TRAPPC3: variants seen among roughly 807,000 people sequenced by gnomAD.
TRAPPC3 encodes trafficking protein particle complex 3.
TRAPPC3 carries 5 observed loss-of-function variants against 18.2 expected under a neutral mutation model. That is an observed-to-expected ratio of 0.28 (90% CI 0.14 to 0.58). The LOEUF (loss-of-function observed/expected upper bound fraction) is 0.58. Among genes scored for constraint, TRAPPC3 ranks in the 20% least tolerant of loss-of-function variants. The probability of loss-of-function intolerance (pLI) is 0.91; values close to 1 mark genes in which losing one functional copy is unlikely to be tolerated. For missense variants in TRAPPC3, 176 were observed against 225.9 expected (o/e 0.78, Z 1.41); for synonymous variants, 65 against 84.2 (o/e 0.77, Z 1.25).
intron 2 of TRAPPC3, 44 bp from the exon 3 acceptor site, chr1:36,139,863 T>C (rs1343641974): frequency 6.2e-7 from 1 of 1,609,168 alleles, no homozygotes; most frequent in East Asian, 2.2e-5. Flanking sequence ...AGTCTAAATG[T>C]CTTATGTTTG....
At chr1:36,142,951 G>A (rs1644138866) in intron 1 of TRAPPC3, among the ~76,000 whole-genome samples, 2 of 152,310 alleles carry the variant, frequency 1.3e-5, no homozygotes, top group South Asian at 4.1e-4. Flanking sequence ...AGGATGGCTT[G>A]AGCCTGGGAT....
chr1:36,144,110 A>C (rs1215854812), intron 1 of TRAPPC3, among the ~76,000 whole-genome samples: 1 of 151,906 alleles, frequency 6.6e-6, no homozygotes, highest in Non-Finnish European at 1.5e-5. Flanking sequence ...CAACATGGTG[A>C]AACCCCGTCT....
upstream of TRAPPC3, among the ~76,000 whole-genome samples, chr1:36,152,699 G>A (rs1332720932): frequency 6.6e-6 from 1 of 151,872 alleles, no homozygotes; most frequent in Non-Finnish European, 1.5e-5. Flanking sequence ...CGTCCAGGCT[G>A]GAGTGCAGTG....
chr1:36,137,554 T>C, intron 4 of TRAPPC3: 1 of 635,052 alleles, frequency 1.6e-6, no homozygotes, highest in Non-Finnish European at 2.7e-6. Flanking sequence ...AATAAGCCTA[T>C]CTGAGAATGG....
At chr1:36,140,325 C>T (rs1570087355) in intron 1 of TRAPPC3, 159 bp from the exon 2 acceptor site, 2 of 505,108 alleles carry the variant, frequency 4.0e-6, no homozygotes, top group Non-Finnish European at 6.8e-6. Flanking sequence ...ATTTGGCCTG[C>T]AAGGTCAAAG....
At chr1:36,140,356 C>G (rs1448765758) in intron 1 of TRAPPC3, 190 bp from the exon 2 acceptor site, 1 of 449,442 alleles carries the variant, frequency 2.2e-6, no homozygotes, top group Non-Finnish European at 3.9e-6. Context: ...GCAGCCAGAA[C>G]TACTGCAAAA....
At chr1:36,143,530 TTAAA>T (rs1644147722) in intron 1 of TRAPPC3, among the ~76,000 whole-genome samples, 1 of 152,100 alleles carries the variant, frequency 6.6e-6, no homozygotes, top group South Asian at 2.1e-4. Context: ...CTTGTGACTT[TTAAA>T]ACAAAAGTTC....
chr1:36,148,019 T>C (rs1644226377), intron 1 of TRAPPC3, among the ~76,000 whole-genome samples: 1 of 152,202 alleles, frequency 6.6e-6, no homozygotes, highest in Admixed American at 6.5e-5. Flanking sequence ...ACCATGCCCC[T>C]CACATTTTAC....
At chr1:36,142,437 T>C (rs966032820) in intron 1 of TRAPPC3, among the ~76,000 whole-genome samples, 2 of 152,188 alleles carry the variant, frequency 1.3e-5, no homozygotes, top group Admixed American at 1.3e-4. Context: ...AGCCCTTGGA[T>C]GGAGACTCCA....
At chr1:36,141,344 T>C (rs1315583269) in intron 1 of TRAPPC3, among the ~76,000 whole-genome samples, 2 of 151,878 alleles carry the variant, frequency 1.3e-5, no homozygotes, top group African/African-American at 4.8e-5. Flanking sequence ...GGCTGAAAAA[T>C]CAGGATAACC....
At chr1:36,137,467 T>C in intron 4 of TRAPPC3, 145 bp from the exon 5 acceptor site, 1 of 803,390 alleles carries the variant, frequency 1.2e-6, no homozygotes, top group South Asian at 1.8e-5. Context: ...AGCGCCAACA[T>C]TCTGTTGCAT....
intron 1 of TRAPPC3, chr1:36,140,911 C>T (rs1238437940): frequency 1.3e-5 from 2 of 152,232 alleles, no homozygotes; most frequent in African/African-American, 4.8e-5. Flanking sequence ...AATCCCAGCA[C>T]TTTGGGAGGG....
Position 36,137,942 on chromosome 1 carries a change from T to C in TRAPPC3, c.277A>G (p.Ile93Val), listed in dbSNP as rs1644050059. 3 of 1,613,992 alleles carry C rather than the reference T, an allele frequency of 1.9e-6. No homozygotes were observed. The highest frequency in any genetic ancestry group is 2.7e-5 in the African/African-American group (2 of 74,912). ...TCACCAGCTGGGCTCCAATTAGTAA[T>C]GCTTGGAGTGATGCCCAAGTACATC... is the stretch of plus-strand genomic sequence containing the variant. ...FKMYLGITPS[I>V]TNWSPAGDEF... The change falls in exon 4 of 5, where the codon ATT (isoleucine) becomes GTT (valine). Residue 93 changes from isoleucine (I) to valine (V), a missense_variant. By Grantham distance (29) the Ile-to-Val change is conservative. This residue lies in a region of TRAPPC3 where 147 missense variants were observed against 164.3 expected (regional missense o/e 0.89). Coordinates refer to ENST00000373166, the MANE Select transcript of TRAPPC3 (RefSeq NM_014408.5).
Position 36,155,339 on chromosome 1 carries a change from T to C in TRAPPC3, c.-97+544A>G, listed in dbSNP as rs564269346. 1.1e-4 allele frequency among the ~76,000 whole-genome samples: 17 copies of C among 152,170 alleles called. No homozygotes were observed. The South Asian group carries it at 2.9e-3, about 26-fold the overall frequency. ...CAACAAGGGGGCTGGGAGTCCATTC[T>C]GGAGGGCTGGGAAGCAGGGCTACTT... On this transcript the variant is annotated intron_variant, in intron 1 of 4. Transcript: ENST00000617904.
rs545281347 is a variant in TRAPPC3 at position 36,137,644 on chromosome 1, G to A, written c.423+152C>T. The stretch of plus-strand genomic sequence containing the variant: ...GGAGTATCACCATGTAAAGATGTCC[G>A]ACTTGGATCCTACCTCAGCAGCATC... On this transcript the variant is annotated intron_variant, in intron 4 of 4. Coordinates refer to ENST00000373166, the MANE Select transcript of TRAPPC3 (RefSeq NM_014408.5). The A allele has an allele frequency of 4.1e-5, 34 of 832,984 alleles. No homozygotes were observed. In the Admixed American group the frequency reaches 7.6e-4, roughly 19 times the overall value. 51.6% of individuals were successfully genotyped at this position (832,984 alleles called of 1,614,324 possible).
intron 1 of TRAPPC3, among the ~76,000 whole-genome samples, chr1:36,148,615 C>T (rs1008717904): frequency 6.6e-6 from 1 of 151,604 alleles, no homozygotes; most frequent in Non-Finnish European, 1.5e-5. Flanking sequence ...GAGGGAAGAA[C>T]GAAAGAAAAA....
At chr1:36,152,354 C>G (rs978611011), upstream of TRAPPC3, among the ~76,000 whole-genome samples, 1 of 148,814 alleles carries the variant, frequency 6.7e-6, no homozygotes. Context: ...GTCGCCCAGG[C>G]TGGAGTGCAG....
chr1:36,137,371 T>C, intron 4 of TRAPPC3, 49 bp from the exon 5 acceptor site: 1 of 1,587,422 alleles, frequency 6.3e-7, no homozygotes, highest in Non-Finnish European at 8.6e-7. Context: ...CCACAGCCTC[T>C]AGGGAACCAG....
upstream of TRAPPC3, among the ~76,000 whole-genome samples, chr1:36,153,684 C>A (rs1041405458): frequency 2.0e-5 from 3 of 152,138 alleles, no homozygotes; most frequent in Admixed American, 2.0e-4. Flanking sequence ...AGACACACCC[C>A]CCGCCCACCG....
Sources: allele counts gnomAD v4.1 joint callset (sites outside exome capture counted in the v4.1 genomes callset), GRCh38; gene constraint gnomAD v4.1.1; regional missense constraint gnomAD v4.1.1; transcripts MANE v1.5; gene names NCBI Gene and HGNC (gene_info 2026-07-23, HGNC 2026-07-21).